UPF1: variants seen among roughly 807,000 people sequenced by gnomAD.
The protein encoded by UPF1 is UPF1 RNA helicase and ATPase.
A neutral mutation model predicts 129.2 loss-of-function variants in UPF1; 9 were observed. The ratio of observed to expected loss-of-function variants is 0.07; its 90% CI spans 0.04 to 0.12. The LOEUF (loss-of-function observed/expected upper bound fraction) is 0.12, where lower values mean the gene tolerates loss of function less well. Among genes scored for constraint, UPF1 ranks in the 10% least tolerant of loss-of-function variants. The pLI is 1.00. For missense variants in UPF1, 788 were observed against 1,525.3 expected (o/e 0.52, Z 8.05); for synonymous variants, 649 against 644.9 (o/e 1.01, Z -0.10).
chr19:18,841,215 A>G (rs919834740), intron 1 of UPF1, among the ~76,000 whole-genome samples: 3 of 152,346 alleles, frequency 2.0e-5, no homozygotes, highest in East Asian at 3.9e-4. Context: ...CTGATGAGAC[A>G]GTTGTGAAGG....
chr19:18,858,119 A>G (rs2055738563), intron 15 of UPF1, among the ~76,000 whole-genome samples: 1 of 152,190 alleles, frequency 6.6e-6, no homozygotes, highest in Admixed American at 6.5e-5. Flanking sequence ...GTGACCAGAT[A>G]AAATTTCTCG....
Position 18,835,899 on chromosome 19 carries a change from T to C in UPF1, c.231+3459T>C, listed in dbSNP as rs563099641. Among the ~76,000 whole-genome samples, 3 of 152,344 alleles carry C rather than the reference T, an allele frequency of 2.0e-5. No homozygotes were observed. In the South Asian group the frequency reaches 6.2e-4, roughly 32 times the overall value. ...AGACTGTTTTCCAGTGTGTAGCCAC[T>C]TTCCATACCAACCCTACCTGAACTG... On this transcript the variant is annotated intron_variant, in intron 1 of 23. Coordinates refer to ENST00000262803, the MANE Select transcript of UPF1 (RefSeq NM_002911.4).
Position 18,865,532 on chromosome 19 carries a change from T to C in UPF1, c.3020-29T>C. 1.2e-6 allele frequency: 2 copies of C among 1,613,430 alleles called. No homozygotes were observed. Among genetic ancestry groups the C allele is most frequent in the Non-Finnish European group, 1.7e-6 (2 of 1,179,688 alleles). ...CTTGTCTGCGAGGCCCTGGCCTCCT[T>C]CGGATCACCCTGGACTGCTGTCTTT... On this transcript the variant is annotated intron_variant, in intron 21 of 23. Coordinates refer to ENST00000262803, the MANE Select transcript of UPF1 (RefSeq NM_002911.4). This position sits in a 1 kb window ranked among gnomAD's most constrained non-coding sequence, Gnocchi z 6.1.
At position 18,856,183 on chromosome 19, in the gene UPF1, C is replaced by T. The variant is rs777566289; in HGVS notation, c.1710-3C>T. On this transcript the variant is annotated splice_region_variant and splice_polypyrimidine_tract_variant and intron_variant, in intron 12 of 23. Transcript: ENST00000262803. ...CACCCTGCTGACCTGCATGTGCTTC[C>T]AGCATGCCTGAGCTGCAGAAGCTGC... 23 of 1,607,784 alleles carry T rather than the reference C, an allele frequency of 1.4e-5. No individual in the cohort carries two copies. Among genetic ancestry groups the T allele is most frequent in the South Asian group, 2.2e-5 (2 of 90,996 alleles).
intron 15 of UPF1, 114 bp downstream of exon 15, chr19:18,857,647 A>C: frequency 4.9e-6 from 6 of 1,229,654 alleles, no homozygotes; most frequent in Non-Finnish European, 6.7e-6. Context: ...TCACATAGCC[A>C]CTGCTTGAGG....
rs760619362 is a variant in UPF1 at position 18,865,413 on chromosome 19, G to A, written c.2982G>A (p.Pro994=). 8 of 1,613,874 alleles carry A rather than the reference G, an allele frequency of 5.0e-6. No individual in the cohort carries two copies. The highest frequency in any genetic ancestry group is 2.7e-5 in the African/African-American group (2 of 74,940). The change falls in exon 21 of 24, where the codon CCG becomes CCA. Residue 994 remains proline, a synonymous_variant. Transcript: ENST00000262803. This position sits in a 1 kb window ranked among gnomAD's most constrained non-coding sequence, Gnocchi z 6.1. ...ACCTGGTCATGCCACCCATGCCACCGCCTGGCTATTTTGGACAAGCCAACG... is the reference window on the plus strand; with the variant it reads ...ACCTGGTCATGCCACCCATGCCACCACCTGGCTATTTTGGACAAGCCAACG... ...PFNLVMPPMP[P]PGYFGQANGP...
Position 18,867,061 on chromosome 19 carries a change from T to G in UPF1, c.*544T>G, listed in dbSNP as rs901400092. 6.6e-6 allele frequency: 1 copy of G among 152,476 alleles called. No homozygotes were observed. Among genetic ancestry groups the G allele is most frequent in the Non-Finnish European group, 1.5e-5 (1 of 67,994 alleles). The allele number at this position is 152,476 out of a possible 1,614,324, so 9.4% of individuals were successfully genotyped here. The stretch of plus-strand genomic sequence containing the variant: ...TTAAAGAAAATAAGGGTGTTTTGGG[T>G]TTTTCTCTTTGTTTTTTTCAAGATT... On this transcript the variant is annotated 3_prime_UTR_variant, in exon 24 of 24. Coordinates refer to ENST00000262803, the MANE Select transcript of UPF1 (RefSeq NM_002911.4).
intron 13 of UPF1, 61 bp downstream of exon 13, chr19:18,856,361 G>T: frequency 6.8e-7 from 1 of 1,471,186 alleles, no homozygotes; most frequent in South Asian, 1.2e-5. Flanking sequence ...GTTTTTGTTT[G>T]GGCCAAAGCA....
chr19:18,852,066 T>C, intron 5 of UPF1, 69 bp from the exon 6 acceptor site: 1 of 1,491,514 alleles, frequency 6.7e-7, no homozygotes, highest in Non-Finnish European at 8.9e-7. Context: ...CTCTGGTGCC[T>C]CTGCGCCCTC....
rs1448828298 is a variant in UPF1 at position 18,853,554 on chromosome 19, C to T, written c.1156+204C>T. 6.6e-6 allele frequency among the ~76,000 whole-genome samples: 1 copy of T among 152,232 alleles called. No individual in the cohort carries two copies. The highest frequency in any genetic ancestry group is 6.5e-5 in the Admixed American group (1 of 15,288). On this transcript the variant is annotated intron_variant, in intron 8 of 23. Transcript: ENST00000262803. This position sits in a 1 kb window ranked among gnomAD's most constrained non-coding sequence, Gnocchi z 4.4. Reference sequence around the variant, plus strand: ...GGGACAGCTGGTTGTATGGTTGCTTCCCCTCTGCCCGAATGGTGATGTTGG... The same window carrying T: ...GGGACAGCTGGTTGTATGGTTGCTTTCCCTCTGCCCGAATGGTGATGTTGG...
intron 3 of UPF1, among the ~76,000 whole-genome samples, chr19:18,848,743 G>A (rs1024447): frequency 6.6e-6 from 1 of 152,134 alleles, no homozygotes; most frequent in Non-Finnish European, 1.5e-5. Context: ...TTATGAGCAA[G>A]GCCAGAAAGG....
chr19:18,834,272 G>T (rs1195374083), intron 1 of UPF1, among the ~76,000 whole-genome samples: 1 of 152,244 alleles, frequency 6.6e-6, no homozygotes, highest in African/African-American at 2.4e-5. Flanking sequence ...AGCCATGAGC[G>T]TGACAGCGCG....
At chr19:18,841,240 TTTTC>T (rs1433600678) in intron 1 of UPF1, among the ~76,000 whole-genome samples, 1 of 152,204 alleles carries the variant, frequency 6.6e-6, no homozygotes, top group African/African-American at 2.4e-5. Flanking sequence ...CTTCTCCCTG[TTTTC>T]TTTTTTTTTC....
intron 1 of UPF1, among the ~76,000 whole-genome samples, chr19:18,838,563 G>T (rs1568268968): frequency 6.6e-6 from 1 of 152,198 alleles, no homozygotes; most frequent in Non-Finnish European, 1.5e-5. Context: ...CAGGAGAATC[G>T]CTTGAACCCG....
Position 18,832,415 on chromosome 19 carries a change from C to G in UPF1, c.206C>G (p.Ala69Gly). The change falls in exon 1 of 24, where the codon GCT becomes GGT. Residue 69 changes from alanine (A) to glycine (G), a missense_variant. Ala to Gly is a moderately conservative substitution (Grantham distance 60, BLOSUM62 0). Around this residue, in one of 6 missense-constraint regions of UPF1, gnomAD observed 112 missense variants for 128.2 expected, o/e 0.87. Coordinates refer to ENST00000262803, the MANE Select transcript of UPF1 (RefSeq NM_002911.4). This position sits in a 1 kb window ranked among gnomAD's most constrained non-coding sequence, Gnocchi z 5.6. Reference sequence around the variant, plus strand: ...GGCCCGGGCGGCGCGGGCGCGGGCGCTGCGGCGGGACAGCTCGACGCGCAG... The same window carrying G: ...GGCCCGGGCGGCGCGGGCGCGGGCGGTGCGGCGGGACAGCTCGACGCGCAG... ...AGGPGGAGAG[A>G]AAGQLDAQVG... 1 of 998,820 alleles carries G rather than the reference C, an allele frequency of 1.0e-6. No individual in the cohort carries two copies. Among genetic ancestry groups the G allele is most frequent in the Non-Finnish European group, 1.2e-6 (1 of 839,650 alleles). The allele number at this position is 998,820 out of a possible 1,614,324, so 61.9% of individuals were successfully genotyped here. A position where few individuals can be genotyped will look rare whatever the true frequency, so the allele number is the denominator to read the frequency against.
chr19:18,843,233 G>C (rs1330423589), intron 1 of UPF1, among the ~76,000 whole-genome samples: 1 of 152,148 alleles, frequency 6.6e-6, no homozygotes, highest in East Asian at 1.9e-4. Flanking sequence ...TGGGGTGCAG[G>C]CTCCATCTAG....
intron 1 of UPF1, among the ~76,000 whole-genome samples, chr19:18,845,622 A>C (rs1300777867): frequency 1.3e-5 from 2 of 152,088 alleles, no homozygotes; most frequent in Non-Finnish European, 2.9e-5. Context: ...GGCATCATGA[A>C]GCTGTCCTCA....
At chr19:18,836,013 G>A (rs1249715377) in intron 1 of UPF1, among the ~76,000 whole-genome samples, 1 of 152,190 alleles carries the variant, frequency 6.6e-6, no homozygotes, top group Non-Finnish European at 1.5e-5. Flanking sequence ...GTGACTCCCT[G>A]CACTCAGAGC....
At chr19:18,846,228 C>T in intron 2 of UPF1, 109 bp downstream of exon 2, 1 of 1,495,280 alleles carries the variant, frequency 6.7e-7, no homozygotes, top group East Asian at 2.3e-5. Context: ...TGTGCTGTGA[C>T]TCTGGGTGGC....
Sources: gnomAD v4.1 joint callset for allele counts (sites outside exome capture counted in the v4.1 genomes callset) on GRCh38, gnomAD v4.1.1 for gene constraint, gnomAD v4.1.1 regional missense constraint, Gnocchi (gnomAD v3.1) non-coding constraint, MANE v1.5 for transcripts, NCBI Gene and HGNC (gene_info 2026-07-23, HGNC 2026-07-21) for gene names.